The following PPP2R2B variants were observed in gnomAD, a reference collection of about 807,000 sequenced individuals.
PPP2R2B encodes protein phosphatase 2 regulatory subunit Bbeta, also known as serine/threonine-protein phosphatase 2A 55 kDa regulatory subunit B beta isoform.
A neutral mutation model predicts 46.0 loss-of-function variants in PPP2R2B; 5 were observed. That is an observed-to-expected ratio of 0.11 (90% confidence interval 0.06 to 0.23). The LOEUF is 0.23. Among genes scored for constraint, PPP2R2B ranks in the 10% least tolerant of loss-of-function variants. The probability of loss-of-function intolerance (pLI) is 1.00; values close to 1 mark genes in which losing one functional copy is unlikely to be tolerated. For missense variants in PPP2R2B, 367 were observed against 575.0 expected (o/e 0.64, Z 3.70); for synonymous variants, 215 against 206.7 (o/e 1.04, Z -0.34).
intron 2 of PPP2R2B, among the ~76,000 whole-genome samples, chr5:146,821,761 G>C (rs1028202587): frequency 1.3e-5 from 2 of 150,226 alleles, no homozygotes; most frequent in South Asian, 4.2e-4. Context: ...TAGACCTCAT[G>C]TGCCTAGTAC....
intron 2 of PPP2R2B, among the ~76,000 whole-genome samples, chr5:146,766,400 G>A (rs772011187): frequency 2.6e-5 from 4 of 152,174 alleles, no homozygotes; most frequent in Admixed American, 6.6e-5. Flanking sequence ...CAAATAAACC[G>A]GAGGAAGAAC....
chr5:146,951,316 C>T (rs1764646141), intron 1 of PPP2R2B, among the ~76,000 whole-genome samples: 1 of 151,646 alleles, frequency 6.6e-6, no homozygotes, highest in South Asian at 2.1e-4. Context: ...AGATATAGAA[C>T]ATTTCCATTC....
intron 1 of PPP2R2B, among the ~76,000 whole-genome samples, chr5:146,978,145 CAT>C (rs1753003428): frequency 6.6e-6 from 1 of 152,136 alleles, no homozygotes; most frequent in South Asian, 2.1e-4. Flanking sequence ...AGCATTTTTT[CAT>C]ATGTTTGTTG....
chr5:146,644,343 C>T (rs1775439250), intron 6 of PPP2R2B, among the ~76,000 whole-genome samples: 1 of 151,416 alleles, frequency 6.6e-6, no homozygotes, highest in Non-Finnish European at 1.5e-5. Flanking sequence ...TTATTTCCCC[C>T]TGAACCCACA....
At chr5:146,905,592 T>C (rs973035523) in intron 1 of PPP2R2B, among the ~76,000 whole-genome samples, 1 of 152,090 alleles carries the variant, frequency 6.6e-6, no homozygotes, top group Non-Finnish European at 1.5e-5. Context: ...AGCCAAAAAC[T>C]GGAACAGCCC....
chr5:146,685,512 T>A (rs2151143576), intron 5 of PPP2R2B, among the ~76,000 whole-genome samples: 1 of 152,318 alleles, frequency 6.6e-6, no homozygotes, highest in East Asian at 1.9e-4. Context: ...ACTCAGAGGA[T>A]CTCTCTTTTG....
intron 7 of PPP2R2B, among the ~76,000 whole-genome samples, chr5:146,605,282 T>C (rs1772157714): frequency 1.3e-5 from 2 of 152,208 alleles, no homozygotes; most frequent in Non-Finnish European, 2.9e-5. Flanking sequence ...TCAGCAACTG[T>C]CAACTCTCTG....
chr5:146,761,800 A>G (rs952491900), intron 2 of PPP2R2B, among the ~76,000 whole-genome samples: 1 of 152,174 alleles, frequency 6.6e-6, no homozygotes, highest in Non-Finnish European at 1.5e-5. Flanking sequence ...AACACCTAGC[A>G]TGGTGCCTGG....
At chr5:146,603,736 C>T (rs1393465820) in intron 7 of PPP2R2B, among the ~76,000 whole-genome samples, 6 of 152,122 alleles carry the variant, frequency 3.9e-5, no homozygotes, top group African/African-American at 1.2e-4. Flanking sequence ...CTGTGCTTTA[C>T]ATGTTTTATT....
chr5:146,968,321 T>A (rs1438492884), intron 1 of PPP2R2B, among the ~76,000 whole-genome samples: 1 of 152,186 alleles, frequency 6.6e-6, no homozygotes, highest in Non-Finnish European at 1.5e-5. Context: ...TTTATGTACT[T>A]GTAAATTGAC....
In PPP2R2B at chr5:146,603,453, C is replaced by T. The variant is rs1012534244; in HGVS notation, c.791-2993G>A. On this transcript the variant is annotated intron_variant, in intron 7 of 9. Transcript: ENST00000394411. ...AAGCCAGTGCAGCAACACTGTAAAG[C>T]CTCACAATGACACCTTCACAAGATG... 3.3e-5 allele frequency among the ~76,000 whole-genome samples: 5 copies of T among 152,178 alleles called. No homozygotes were observed. In the East Asian group the frequency reaches 9.6e-4, roughly 29 times the overall value.
chr5:146,584,682 G>A lies in PPP2R2B; in HGVS notation c.*5265C>T, dbSNP rs536591415. ...TTGCAATAACTACTCAGGAAATATTGGTTTCCTTTTATTCTTTCCGTCTAC... is the reference window on the plus strand; with the variant it reads ...TTGCAATAACTACTCAGGAAATATTAGTTTCCTTTTATTCTTTCCGTCTAC... On this transcript the variant is annotated 3_prime_UTR_variant, in exon 10 of 10. Transcript: ENST00000394411. 1 of 152,122 alleles carries A rather than the reference G, an allele frequency of 6.6e-6. No individual in the cohort carries two copies. 9.4% of individuals were successfully genotyped at this position (152,122 alleles called of 1,614,324 possible).
intron 2 of PPP2R2B, among the ~76,000 whole-genome samples, chr5:147,079,434 TTATATATATACATATA>T (rs1403358640): frequency 1.2e-5 from 1 of 80,966 alleles, no homozygotes; most frequent in African/African-American, 4.2e-5. Flanking sequence ...CACACACATT[TTATATATATACATATA>T]TATATATATA....
chr5:146,656,184 C>T (rs895763497), intron 5 of PPP2R2B, among the ~76,000 whole-genome samples: 5 of 151,938 alleles, frequency 3.3e-5, no homozygotes, highest in Non-Finnish European at 5.9e-5. Context: ...GGCTAGCAAG[C>T]GAGAGGTATG....
intron 2 of PPP2R2B, among the ~76,000 whole-genome samples, chr5:146,792,305 A>C (rs879302197): frequency 3.9e-5 from 6 of 152,244 alleles, no homozygotes; most frequent in African/African-American, 9.6e-5. Context: ...AATGTTAAAT[A>C]GTTCAAGAGC....
At chr5:146,924,464 G>A (rs374843523) in intron 1 of PPP2R2B, among the ~76,000 whole-genome samples, 1 of 152,142 alleles carries the variant, frequency 6.6e-6, no homozygotes, top group African/African-American at 2.4e-5. Context: ...CCCTTCCCAA[G>A]TACTGGAGAT....
chr5:146,765,810 T>G (rs755542761), intron 2 of PPP2R2B, among the ~76,000 whole-genome samples: 6 of 152,180 alleles, frequency 3.9e-5, no homozygotes, highest in Non-Finnish European at 4.4e-5. Context: ...AAGAAACCCA[T>G]TAGTTTTCTC....
intron 1 of PPP2R2B, among the ~76,000 whole-genome samples, chr5:146,903,730 A>T (rs543003243): frequency 6.6e-6 from 1 of 152,104 alleles, no homozygotes; most frequent in Non-Finnish European, 1.5e-5. Context: ...TTAAGAGTAC[A>T]TGCTTTAAAA....
intron 2 of PPP2R2B, among the ~76,000 whole-genome samples, chr5:147,063,956 A>G (rs1001466093): frequency 1.3e-5 from 2 of 152,216 alleles, no homozygotes; most frequent in Non-Finnish European, 2.9e-5. Context: ...CTGAGAGGCC[A>G]TAATAGTAAA....
Sources: allele counts gnomAD v4.1 joint callset (sites outside exome capture counted in the v4.1 genomes callset), GRCh38; gene constraint gnomAD v4.1.1; transcripts MANE v1.5; gene names NCBI Gene and HGNC (gene_info 2026-07-23, HGNC 2026-07-21).